The following SLC15A2 variants were observed in gnomAD, a reference collection of about 807,000 sequenced individuals.
SLC15A2 encodes solute carrier family 15 member 2, also known as kidney H(+)/peptide cotransporter.
In SLC15A2, 77 loss-of-function variants were observed where a neutral mutation model predicts 95.5. The ratio of observed to expected loss-of-function variants is 0.81; its 90% CI spans 0.67 to 0.97. The LOEUF (loss-of-function observed/expected upper bound fraction) is 0.97, where lower values mean the gene tolerates loss of function less well. Ranked by LOEUF, SLC15A2 falls within the 50% of genes least tolerant of loss-of-function variation. SLC15A2 has a pLI of 0.00. For missense variants in SLC15A2, 893 were observed against 874.4 expected, an observed-to-expected ratio of 1.02 and a Z score of -0.27; for synonymous variants, 306 against 306.9, an observed-to-expected ratio of 1.00 and a Z score of 0.03.
chr3:121,920,238 G>A (rs1323702637), intron 7 of SLC15A2, among the ~76,000 whole-genome samples: 1 of 152,074 alleles, frequency 6.6e-6, no homozygotes, highest in Admixed American at 6.6e-5. Flanking sequence ...TTAGTTTCAG[G>A]AGCAGTTTAT....
chr3:121,926,738 T>C (rs1366321763), intron 13 of SLC15A2, among the ~76,000 whole-genome samples: 1 of 152,158 alleles, frequency 6.6e-6, no homozygotes, highest in Non-Finnish European at 1.5e-5. Context: ...GACCCCAGAA[T>C]GATAGACCCA....
chr3:121,897,651 T>G, intron 3 of SLC15A2, 122 bp downstream of exon 3: 5 of 908,326 alleles, frequency 5.5e-6, no homozygotes, highest in Non-Finnish European at 8.2e-6. Context: ...TAAGAATCTC[T>G]GTACATCTGT....
chr3:121,899,200 A>G (rs1403757029), intron 3 of SLC15A2, among the ~76,000 whole-genome samples: 5 of 152,218 alleles, frequency 3.3e-5, no homozygotes, highest in Non-Finnish European at 7.4e-5. Flanking sequence ...GAGAAAATTT[A>G]ACAACCTCTA....
In SLC15A2 at chr3:121,922,766, C is replaced by T. The variant is rs774194381; in HGVS notation, c.781-9C>T. On this transcript the variant is annotated splice_polypyrimidine_tract_variant and intron_variant, in intron 8 of 21. Transcript: ENST00000489711. ...TTGTCTCTCCCATGATGTCTACTCTCTGCCCTAGTTTGCTATTTCCAATCG... is the reference window on the plus strand; with the variant it reads ...TTGTCTCTCCCATGATGTCTACTCTTTGCCCTAGTTTGCTATTTCCAATCG... 6 of 1,609,934 alleles carry T rather than the reference C, an allele frequency of 3.7e-6. No individual in the cohort carries two copies. The highest frequency in any genetic ancestry group is 5.1e-6 in the Non-Finnish European group (6 of 1,176,706).
rs896767860 is a variant in SLC15A2 at position 121,939,369 on chromosome 3, G to A, written c.1782G>A (p.Gln594=). The change falls in exon 20 of 22, where the codon CAG becomes CAA. Residue 594 remains glutamine, a synonymous_variant. Transcript: ENST00000489711. The stretch of plus-strand genomic sequence containing the variant: ...CTAAGAACACCAATCAGGGTCTTCA[G>A]GCCTGGAAGATTGAAGACATTCCAG... ...VITNNTNQGL[Q]AWKIEDIPAN... 2.6e-6 allele frequency: 4 copies of A among 1,559,868 alleles called. No individual in the cohort carries two copies. The highest frequency in any genetic ancestry group is 4.8e-5 in the East Asian group (2 of 41,264).
intron 3 of SLC15A2, among the ~76,000 whole-genome samples, chr3:121,908,486 C>T (rs73181855): frequency 5.0e-4 from 76 of 152,266 alleles, no homozygotes; most frequent in Non-Finnish European, 8.8e-4. Context: ...AGCTACAGAC[C>T]GGAGTGGTTC....
intron 13 of SLC15A2, among the ~76,000 whole-genome samples, chr3:121,926,615 G>C (rs1710126870): frequency 1.3e-5 from 2 of 152,238 alleles, no homozygotes; most frequent in South Asian, 2.1e-4. Flanking sequence ...AGCCCCCAGA[G>C]AGTACCTCTA....
At chr3:121,898,807 G>GGGC (rs1709468782) in intron 3 of SLC15A2, among the ~76,000 whole-genome samples, 1 of 152,280 alleles carries the variant, frequency 6.6e-6, no homozygotes, top group Admixed American at 6.5e-5. Flanking sequence ...GTGTTCCAAG[G>GGGC]AATTCTCTTT....
chr3:121,906,340 G>A (rs1417291138), intron 3 of SLC15A2, among the ~76,000 whole-genome samples: 1 of 152,006 alleles, frequency 6.6e-6, no homozygotes, highest in African/African-American at 2.4e-5. Flanking sequence ...TTTTAATTGG[G>A]GCATTCAGCC....
intron 1 of SLC15A2, chr3:121,895,216 C>T (rs1285979098): frequency 1.3e-5 from 2 of 152,146 alleles, no homozygotes; most frequent in African/African-American, 4.8e-5. Flanking sequence ...ATGTTATTCT[C>T]ATTTCTTTGG....
At chr3:121,924,206 C>CA in intron 11 of SLC15A2, 145 bp from the exon 12 acceptor site, 1 of 682,600 alleles carries the variant, frequency 1.5e-6, no homozygotes, top group South Asian at 1.8e-5. Context: ...ATCTTAACAG[C>CA]AAAATAGTGG....
chr3:121,913,630 A>G (rs1423101101), intron 5 of SLC15A2, among the ~76,000 whole-genome samples: 1 of 152,272 alleles, frequency 6.6e-6, no homozygotes, highest in African/African-American at 2.4e-5. Context: ...AGATTCCATG[A>G]AATGGGAAAG....
rs1173833427 is a variant in SLC15A2 at position 121,915,572 on chromosome 3, C to A, written c.620-44C>A. 9.2e-6 allele frequency: 13 copies of A among 1,420,694 alleles called. No individual in the cohort carries two copies. The Admixed American group carries it at 2.2e-4, about 24-fold the overall frequency. 88.0% of individuals were successfully genotyped at this position (1,420,694 alleles called of 1,614,324 possible). ...CTTGTAGAATAAAACATCAAATATT[C>A]AAGACTCAGAGTTACTTTCCTCCTC... is the stretch of plus-strand genomic sequence containing the variant. On this transcript the variant is annotated intron_variant, in intron 6 of 21. Coordinates refer to ENST00000489711, the MANE Select transcript of SLC15A2 (RefSeq NM_021082.4).
intron 13 of SLC15A2, among the ~76,000 whole-genome samples, chr3:121,926,829 A>G (rs567225420): frequency 4.6e-5 from 7 of 152,374 alleles, no homozygotes; most frequent in African/African-American, 1.7e-4. Flanking sequence ...GAACTCTGCA[A>G]AGCCACAAGG....
chr3:121,905,956 T>A (rs143213848), intron 3 of SLC15A2, among the ~76,000 whole-genome samples: 1 of 152,324 alleles, frequency 6.6e-6, no homozygotes, highest in African/African-American at 2.4e-5. Flanking sequence ...GGTGTTAAAG[T>A]CTTCCATTAT....
intron 3 of SLC15A2, among the ~76,000 whole-genome samples, chr3:121,906,249 T>C (rs1318807104): frequency 6.6e-6 from 1 of 152,228 alleles, no homozygotes; most frequent in Non-Finnish European, 1.5e-5. Flanking sequence ...AGCCTATGTG[T>C]GTCTCTGCAC....
At position 121,940,456 on chromosome 3, in the gene SLC15A2, C is replaced by T. The variant is rs756123950; in HGVS notation, c.1981C>T (p.Leu661Phe). 1.4e-5 allele frequency: 23 copies of T among 1,614,026 alleles called. No homozygotes were observed. The highest frequency in any genetic ancestry group is 1.9e-5 in the Non-Finnish European group (23 of 1,179,916). The part of the protein sequence containing the change: ...LTIAVGNIIV[L>F]VVAQFSGLVQ... Reference sequence around the variant, plus strand: ...AATTGCAGTTGGGAATATCATCGTGCTTGTTGTGGCACAGTTCAGTGGCCT... The same window carrying T: ...AATTGCAGTTGGGAATATCATCGTGTTTGTTGTGGCACAGTTCAGTGGCCT... The change falls in exon 21 of 22, where the codon CTT becomes TTT. Residue 661 changes from leucine (L) to phenylalanine (F), a missense_variant. Transcript: ENST00000489711.
chr3:121,914,891 T>C (rs3932367), intron 5 of SLC15A2: 163,372 of 414,708 alleles, frequency 0.39, 40,280 homozygotes, highest in East Asian at 0.68. Flanking sequence ...AACACACACA[T>C]GAAATAAAAA....
At position 121,925,082 on chromosome 3, in the gene SLC15A2, T is replaced by G. The variant is rs369671418; in HGVS notation, c.1124+49T>G. 5.5e-6 allele frequency: 7 copies of G among 1,283,162 alleles called. No individual in the cohort carries two copies. The African/African-American group carries it at 1.0e-4, about 19-fold the overall frequency. The allele number at this position is 1,283,162 out of a possible 1,614,324, so 79.5% of individuals were successfully genotyped here. On this transcript the variant is annotated intron_variant, in intron 13 of 21. Transcript: ENST00000489711. ...GGATTACTCTAAATTGACTCAGTCT[T>G]TGCCCAGTTTGAAAAAGATTCAATG...
Sources: gnomAD v4.1 joint callset for allele counts (sites outside exome capture counted in the v4.1 genomes callset) on GRCh38, gnomAD v4.1.1 for gene constraint, MANE v1.5 for transcripts, NCBI Gene and HGNC (gene_info 2026-07-23, HGNC 2026-07-21) for gene names.